SORCS2: variants seen among roughly 807,000 people sequenced by gnomAD.
SORCS2 encodes sortilin related VPS10 domain containing receptor 2.
In SORCS2, 100 loss-of-function variants were observed where a neutral mutation model predicts 141.6. The ratio of observed to expected loss-of-function variants is 0.71; its 90% CI spans 0.60 to 0.83. The LOEUF (loss-of-function observed/expected upper bound fraction) is 0.83, where lower values mean the gene tolerates loss of function less well. Among genes scored for constraint, SORCS2 ranks in the 40% least tolerant of loss-of-function variants. The probability of loss-of-function intolerance (pLI) is 0.00; values close to 1 mark genes in which losing one functional copy is unlikely to be tolerated. For missense variants in SORCS2, 1,646 were observed against 1,560.2 expected (o/e 1.05, Z -0.93); for synonymous variants, 789 against 676.9 (o/e 1.17, Z -2.57).
chr4:7,321,858 C>A (rs1718914273), intron 1 of SORCS2, among the ~76,000 whole-genome samples: 1 of 152,092 alleles, frequency 6.6e-6, no homozygotes, highest in Non-Finnish European at 1.5e-5. Flanking sequence ...AGGATAGTTC[C>A]CACCCTCTGG....
intron 3 of SORCS2, among the ~76,000 whole-genome samples, chr4:7,637,099 A>G (rs562033493): frequency 9.2e-5 from 14 of 152,304 alleles, no homozygotes; most frequent in African/African-American, 2.9e-4. Flanking sequence ...CTAAATCCAG[A>G]TGGCTTCATC....
chr4:7,505,310 G>A (rs964073838), intron 2 of SORCS2, among the ~76,000 whole-genome samples: 7 of 152,182 alleles, frequency 4.6e-5, no homozygotes, highest in East Asian at 1.9e-4. Flanking sequence ...GGTGGCCGGC[G>A]GGGAGCCAGG....
intron 2 of SORCS2, among the ~76,000 whole-genome samples, chr4:7,510,676 G>A (rs185489039): frequency 1.1e-4 from 16 of 145,190 alleles, no homozygotes; most frequent in Non-Finnish European, 1.9e-4. Flanking sequence ...ATGCGACCCC[G>A]GGGCCGGCAC....
At chr4:7,496,458 G>GTCCCCCA (rs1560332416) in intron 2 of SORCS2, among the ~76,000 whole-genome samples, 2 of 33,398 alleles carry the variant, frequency 6.0e-5, no homozygotes, top group East Asian at 2.7e-3. Context: ...CCCGTTCCCC[G>GTCCCCCA]TCCCCCGTCC....
At chr4:7,331,813 G>A (rs939549023) in intron 1 of SORCS2, among the ~76,000 whole-genome samples, 1 of 152,200 alleles carries the variant, frequency 6.6e-6, no homozygotes, top group Non-Finnish European at 1.5e-5. Context: ...GTGAGCCCTG[G>A]ACCCCTGCTG....
At chr4:7,501,462 G>A (rs1306076664) in intron 2 of SORCS2, among the ~76,000 whole-genome samples, 1 of 152,208 alleles carries the variant, frequency 6.6e-6, no homozygotes, top group Non-Finnish European at 1.5e-5. Context: ...CAGGGGGCAG[G>A]ATTTACGTGT....
chr4:7,491,882 G>A (rs1731336244), intron 2 of SORCS2, among the ~76,000 whole-genome samples: 1 of 152,214 alleles, frequency 6.6e-6, no homozygotes, highest in East Asian at 1.9e-4. Context: ...TGTGCTCCCA[G>A]CTGTGGGAAG....
intron 1 of SORCS2, among the ~76,000 whole-genome samples, chr4:7,387,780 A>G (rs1287874351): frequency 6.6e-6 from 1 of 151,112 alleles, no homozygotes; most frequent in Non-Finnish European, 1.5e-5. Flanking sequence ...ATGCACACAC[A>G]CATAGGTACA....
At chr4:7,450,597 A>G (rs1020921081) in intron 2 of SORCS2, among the ~76,000 whole-genome samples, 2 of 152,224 alleles carry the variant, frequency 1.3e-5, no homozygotes, top group African/African-American at 4.8e-5. Flanking sequence ...TCTCACACAC[A>G]TATGTTCCCC....
chr4:7,465,015 G>C (rs560884654), intron 2 of SORCS2, among the ~76,000 whole-genome samples: 5 of 152,354 alleles, frequency 3.3e-5, no homozygotes, highest in African/African-American at 1.2e-4. Context: ...TTCTGCCCAG[G>C]TTATGTCACC....
chr4:7,314,935 G>A (rs947488010), intron 1 of SORCS2, among the ~76,000 whole-genome samples: 24 of 151,356 alleles, frequency 1.6e-4, no homozygotes, highest in African/African-American at 5.3e-4. Context: ...GGGTTCAAGC[G>A]ATTCTCCTGC....
rs368833965 is a variant in SORCS2 at position 7,507,830 on chromosome 4, C to T, written c.549-23700C>T. On this transcript the variant is annotated intron_variant, in intron 2 of 26. Transcript: ENST00000507866. ...GTTGGGTCTCTGTGTTCGAGCCATGCGCCAAAATAAATTTTAGGCAGATCC... is the reference window on the plus strand; with the variant it reads ...GTTGGGTCTCTGTGTTCGAGCCATGTGCCAAAATAAATTTTAGGCAGATCC... Among the ~76,000 whole-genome samples the T allele has an allele frequency of 4.4e-4, 67 of 151,954 alleles. No individual in the cohort carries two copies. In the East Asian group the frequency reaches 8.1e-3, roughly 18 times the overall value.
intron 2 of SORCS2, among the ~76,000 whole-genome samples, chr4:7,527,110 C>T (rs1039469344): frequency 6.6e-6 from 1 of 152,214 alleles, no homozygotes; most frequent in Admixed American, 6.5e-5. Context: ...GGACCGCCCG[C>T]CCCACCCACC....
At position 7,259,821 on chromosome 4, in the gene SORCS2, G is replaced by A. The variant is rs545731649; in HGVS notation, c.480+66695G>A. Among the ~76,000 whole-genome samples, 108 of 152,338 alleles carry A rather than the reference G, an allele frequency of 7.1e-4. 1 individual carries two copies. The highest frequency in any genetic ancestry group is 2.4e-3 in the African/African-American group (98 of 41,568). On this transcript the variant is annotated intron_variant, in intron 1 of 26. Coordinates refer to ENST00000507866, the MANE Select transcript of SORCS2 (RefSeq NM_020777.3). Reference sequence around the variant, plus strand: ...ACCTGAGACTCTGAGAGGAGAAGTCGGCCCCCTGCACTGCTGTGGATGAGG... The same window carrying A: ...ACCTGAGACTCTGAGAGGAGAAGTCAGCCCCCTGCACTGCTGTGGATGAGG...
chr4:7,400,053 T>C (rs551008788), intron 2 of SORCS2, among the ~76,000 whole-genome samples: 25 of 152,290 alleles, frequency 1.6e-4, no homozygotes, highest in Non-Finnish European at 2.9e-4. Context: ...ACACTTCAAG[T>C]AGCCAGAGGT....
intron 1 of SORCS2, among the ~76,000 whole-genome samples, chr4:7,230,756 A>G (rs1338710415): frequency 6.7e-6 from 1 of 150,106 alleles, no homozygotes; most frequent in East Asian, 2.0e-4. Flanking sequence ...TCTGGGCAGG[A>G]GCAGTGTGAT....
Position 7,701,626 on chromosome 4 carries a change from G to T in SORCS2, c.1669-1654G>T, listed in dbSNP as rs371551045. Among the ~76,000 whole-genome samples, 3 of 152,274 alleles carry T rather than the reference G, an allele frequency of 2.0e-5. No homozygotes were observed. The South Asian group carries it at 6.2e-4, about 32-fold the overall frequency. ...TCTGGTGGGGTTGAGGAGCATGGGG[G>T]TCAGGGTACCTGCTGGACACCAGGG... On this transcript the variant is annotated intron_variant, in intron 12 of 26. Coordinates refer to ENST00000507866, the MANE Select transcript of SORCS2 (RefSeq NM_020777.3).
intron 7 of SORCS2, among the ~76,000 whole-genome samples, chr4:7,665,813 G>A (rs902688121): frequency 6.6e-6 from 1 of 152,216 alleles, no homozygotes; most frequent in Admixed American, 6.5e-5. Context: ...CATCTCCCAT[G>A]TTGAGTGGTT....
chr4:7,625,487 C>G (rs1459954430), intron 3 of SORCS2, among the ~76,000 whole-genome samples: 1 of 151,950 alleles, frequency 6.6e-6, no homozygotes, highest in Non-Finnish European at 1.5e-5. Flanking sequence ...CAGTCACCGT[C>G]TCTCAACCCA....
Sources: allele counts gnomAD v4.1 joint callset (sites outside exome capture counted in the v4.1 genomes callset), GRCh38; gene constraint gnomAD v4.1.1; transcripts MANE v1.5; gene names NCBI Gene and HGNC (gene_info 2026-07-23, HGNC 2026-07-21).